The following DEPDC1B variants were observed in gnomAD, a reference collection of about 807,000 sequenced individuals.
DEPDC1B encodes DEP domain-containing protein 1B.
DEPDC1B carries 51 observed loss-of-function variants against 66.5 expected under a neutral mutation model. That is an observed-to-expected ratio of 0.77 (90% CI 0.61 to 0.97). The LOEUF (loss-of-function observed/expected upper bound fraction) is 0.97. DEPDC1B is among the 50% of genes least tolerant of loss of function. The pLI, the probability that DEPDC1B is intolerant of heterozygous loss-of-function variation, is 0.00. For synonymous variants in DEPDC1B, 226 were observed against 223.6 expected (o/e 1.01, Z -0.10); for missense variants, 552 against 637.1 (o/e 0.87, Z 1.44).
At chr5:60,635,666 G>T (rs950221388) in intron 7 of DEPDC1B, among the ~76,000 whole-genome samples, 1 of 152,146 alleles carries the variant, frequency 6.6e-6, no homozygotes, top group African/African-American at 2.4e-5. Flanking sequence ...TGGCAAATTG[G>T]AGTTCACGCT....
Position 60,687,124 on chromosome 5 carries a change from T to A in DEPDC1B, c.152A>T (p.Asp51Val), listed in dbSNP as rs1277087813. The change falls in exon 2 of 11, where the codon GAT (aspartate) becomes GTT (valine). Residue 51 changes from aspartate to valine, a missense_variant. Transcript: ENST00000265036. ...EHCFTAAEAV[D>V]WLHELLRCSQ... Reference sequence around the variant, plus strand: ...GCACCTCAGCAGCTCATGCAGCCAATCCACAGCTTCGGCCGCTGTGAAACA... The same window carrying A: ...GCACCTCAGCAGCTCATGCAGCCAAACCACAGCTTCGGCCGCTGTGAAACA... 6.2e-7 allele frequency: 1 copy of A among 1,614,054 alleles called. No individual in the cohort carries two copies. Among genetic ancestry groups the A allele is most frequent in the African/African-American group, 1.3e-5 (1 of 74,926 alleles).
rs1561393234 is a variant in DEPDC1B, at chr5:60,686,963, T to C, written c.313A>G (p.Arg105Gly). Residue 105 changes from arginine to glycine, a missense_variant and splice_region_variant, in exon 2 of 11, where the codon AGA becomes GGA. Arg to Gly is a moderately radical substitution (Grantham distance 125). Transcript: ENST00000265036. ...EDFEDNRHLY[R>G]FPPSSPLKPY... The stretch of plus-strand genomic sequence containing the variant: ...TCCAGGTTTACATGTTGCCATTACC[T>C]GTATAAGTGACGATTGTCTTCAAAA... 6.2e-7 allele frequency: 1 copy of C among 1,614,206 alleles called. No individual in the cohort carries two copies. Among genetic ancestry groups the C allele is most frequent in the African/African-American group, 1.3e-5 (1 of 75,066 alleles).
At chr5:60,626,368 G>A (rs1752808559) in intron 7 of DEPDC1B, among the ~76,000 whole-genome samples, 1 of 152,096 alleles carries the variant, frequency 6.6e-6, no homozygotes, top group Non-Finnish European at 1.5e-5. Flanking sequence ...TCTGAGTAAT[G>A]CTGCTATGAA....
chr5:60,667,799 T>A (rs908496754), intron 2 of DEPDC1B, among the ~76,000 whole-genome samples: 1,138 of 101,356 alleles, frequency 0.011, 76 homozygotes, highest in Non-Finnish European at 0.016. Flanking sequence ...AATGGATATT[T>A]TACATATATA....
intron 1 of DEPDC1B, 30 bp from the exon 2 acceptor site, chr5:60,687,257 T>A (rs976024935): frequency 1.9e-6 from 3 of 1,572,200 alleles, no homozygotes; most frequent in South Asian, 1.2e-5. Flanking sequence ...TGGCATTTAG[T>A]AATCAACTGA....
At chr5:60,620,775 C>T (rs1478694749) in intron 7 of DEPDC1B, among the ~76,000 whole-genome samples, 2 of 152,166 alleles carry the variant, frequency 1.3e-5, no homozygotes, top group Admixed American at 6.5e-5. Flanking sequence ...TTTGACCCAG[C>T]CATCCCATTA....
intron 2 of DEPDC1B, among the ~76,000 whole-genome samples, chr5:60,665,043 G>A (rs773486574): frequency 3.5e-4 from 53 of 152,154 alleles, no homozygotes; most frequent in East Asian, 3.9e-4. Flanking sequence ...CAAAAGAGCC[G>A]CAAGGTGGGA....
In DEPDC1B at chr5:60,611,234, G is replaced by T. The variant is rs139655675; in HGVS notation, c.899-5378C>A. On this transcript the variant is annotated intron_variant, in intron 7 of 10. Coordinates refer to ENST00000265036, the MANE Select transcript of DEPDC1B (RefSeq NM_018369.3). ...CTGTTACTACTGTAAGTGTTTGGGG[G>T]AACCACACAATATGCCCATAAGACT... Among the ~76,000 whole-genome samples the T allele has an allele frequency of 5.9e-5, 9 of 152,188 alleles. No individual in the cohort carries two copies. The East Asian group carries it at 1.7e-3, about 29-fold the overall frequency.
chr5:60,653,601 GT>G (rs1278089044), intron 2 of DEPDC1B, among the ~76,000 whole-genome samples: 1 of 151,948 alleles, frequency 6.6e-6, no homozygotes, highest in Non-Finnish European at 1.5e-5. Flanking sequence ...AAGCTTTTTA[GT>G]TTAATTAAGT....
chr5:60,603,826 C>CATATATATATATAT lies in DEPDC1B; in HGVS notation c.1066-273_1066-260dup, dbSNP rs34747463. ...CTCCTTTTACACGATTTTAAATATA[C>CATATATATATATAT]ATATATATATATATATATATACACA... On this transcript the variant is annotated intron_variant, in intron 8 of 10. Transcript: ENST00000265036. 6.0e-3 allele frequency among the ~76,000 whole-genome samples: 873 copies of CATATATATATATAT among 146,080 alleles called. 8 individuals are homozygous for CATATATATATATAT. Among genetic ancestry groups the CATATATATATATAT allele is most frequent in the African/African-American group, 0.02 (769 of 39,212 alleles).
chr5:60,656,566 G>A (rs1753582034), intron 2 of DEPDC1B, among the ~76,000 whole-genome samples: 1 of 152,160 alleles, frequency 6.6e-6, no homozygotes, highest in African/African-American at 2.4e-5. Context: ...AACTGCCAGA[G>A]ACCAGGTAAT....
At chr5:60,657,394 T>A (rs1753602398) in intron 2 of DEPDC1B, among the ~76,000 whole-genome samples, 1 of 152,230 alleles carries the variant, frequency 6.6e-6, no homozygotes, top group Non-Finnish European at 1.5e-5. Flanking sequence ...TTATAGGTCC[T>A]GTGAGATTTA....
At chr5:60,685,459 A>G (rs2112028120) in intron 2 of DEPDC1B, among the ~76,000 whole-genome samples, 1 of 152,322 alleles carries the variant, frequency 6.6e-6, no homozygotes, top group African/African-American at 2.4e-5. Context: ...AACTGGAGGA[A>G]AAAATAATTA....
At position 60,657,422 on chromosome 5, in the gene DEPDC1B, A is replaced by G. The variant is rs147829615; in HGVS notation, c.315-9889T>C. On this transcript the variant is annotated intron_variant, in intron 2 of 10. Coordinates refer to ENST00000265036, the MANE Select transcript of DEPDC1B (RefSeq NM_018369.3). ...GAGATTTATGCTTTAAAGAGGTTCT[A>G]TTTTGGTGTATTTCATGCATTTGTT... Among the ~76,000 whole-genome samples the G allele has an allele frequency of 5.6e-3, 847 of 151,990 alleles. 5 individuals carry two copies. The highest frequency in any genetic ancestry group is 8.2e-3 in the Non-Finnish European group (560 of 67,938).
chr5:60,668,085 T>TTA (rs373220679), intron 2 of DEPDC1B, among the ~76,000 whole-genome samples: 2 of 45,016 alleles, frequency 4.4e-5, no homozygotes, highest in South Asian at 1.2e-3. Flanking sequence ...AATGGATATT[T>TTA]TATATATATA....
At chr5:60,623,836 T>C (rs1752757989) in intron 7 of DEPDC1B, among the ~76,000 whole-genome samples, 1 of 152,200 alleles carries the variant, frequency 6.6e-6, no homozygotes, top group Admixed American at 6.5e-5. Context: ...TTGTTTTAGT[T>C]TTCCAATTGA....
intron 4 of DEPDC1B, 69 bp downstream of exon 4, chr5:60,645,423 G>A (rs975669125): frequency 7.2e-7 from 1 of 1,388,742 alleles, no homozygotes; most frequent in African/African-American, 1.5e-5. Flanking sequence ...TAAATATGCA[G>A]AGAGTGAAGA....
rs750003543 is a variant in DEPDC1B, at chr5:60,700,079, G to C, written c.15C>G (p.Ile5Met). 16 of 1,557,288 alleles carry C rather than the reference G, an allele frequency of 1.0e-5. No individual in the cohort carries two copies. In the Admixed American group the frequency reaches 1.7e-4, roughly 17 times the overall value. MEHR[I>M]VGPGPYRATR... ...TAGCTCGGTACGGCCCGGGCCCCAC[G>C]ATGCGATGCTCCATGGCGCGTAGGC... Residue 5 changes from isoleucine (I) to methionine (M), a missense_variant, in exon 1 of 11, where the codon ATC (isoleucine) becomes ATG (methionine). By Grantham distance (10) the Ile-to-Met change is conservative. Coordinates refer to ENST00000265036, the MANE Select transcript of DEPDC1B (RefSeq NM_018369.3).
chr5:60,692,785 A>G (rs1427223220), intron 1 of DEPDC1B, among the ~76,000 whole-genome samples: 1 of 152,196 alleles, frequency 6.6e-6, no homozygotes, highest in Non-Finnish European at 1.5e-5. Flanking sequence ...AATAAGTTAT[A>G]ATATATTCAC....
Sources: gnomAD v4.1 joint callset for allele counts (sites outside exome capture counted in the v4.1 genomes callset) on GRCh38, gnomAD v4.1.1 for gene constraint, MANE v1.5 for transcripts, NCBI Gene and HGNC (gene_info 2026-07-23, HGNC 2026-07-21) for gene names.